Variants in IFNG-AS1 observed in about 807,000 individuals in gnomAD.
IFNG-AS1 encodes IFNG antisense RNA 1 (non-protein coding).
At chr12:68,002,907 A>C (rs775703238) in intron 2 of IFNG-AS1, among the ~76,000 whole-genome samples, 20 of 152,230 alleles carry the variant, frequency 1.3e-4, no homozygotes, top group Non-Finnish European at 2.5e-4. Flanking sequence ...AGTCTCTCTA[A>C]GTAGGTAAAA....
intron 2 of IFNG-AS1, among the ~76,000 whole-genome samples, chr12:67,999,806 G>A (rs986440807): frequency 6.6e-6 from 1 of 152,096 alleles, no homozygotes; most frequent in African/African-American, 2.4e-5. Flanking sequence ...CTCTCTCTAC[G>A]AAGTCCTTAT....
chr12:68,016,132 G>A (rs1880150846), intron 3 of IFNG-AS1, among the ~76,000 whole-genome samples: 1 of 152,142 alleles, frequency 6.6e-6, no homozygotes, highest in Non-Finnish European at 1.5e-5. Flanking sequence ...AAACTTGTGA[G>A]AAAACATTTT....
intron 3 of IFNG-AS1, chr12:68,013,641 G>T (rs1268715024): frequency 3.3e-5 from 5 of 152,202 alleles, no homozygotes; most frequent in Admixed American, 3.3e-4. Context: ...CTGTAAAGGA[G>T]TTTTTGGGTA....
At chr12:68,010,398 T>C (rs556581978) in intron 3 of IFNG-AS1, among the ~76,000 whole-genome samples, 36 of 152,342 alleles carry the variant, frequency 2.4e-4, no homozygotes, top group African/African-American at 8.4e-4. Context: ...AGTACATCCC[T>C]AGTCAAAATA....
At chr12:68,005,448 G>A (rs1592824623) in intron 2 of IFNG-AS1, among the ~76,000 whole-genome samples, 2 of 151,996 alleles carry the variant, frequency 1.3e-5, no homozygotes. Context: ...CACCTCTTTG[G>A]AAATGTCCTC....
intron 3 of IFNG-AS1, among the ~76,000 whole-genome samples, chr12:68,006,493 CA>C (rs1317912816): frequency 1.3e-5 from 2 of 152,034 alleles, no homozygotes; most frequent in African/African-American, 4.8e-5. Flanking sequence ...CAGACATACC[CA>C]TTGCGCTATT....
chr12:68,019,066 G>T (rs1279874633), intron 3 of IFNG-AS1, among the ~76,000 whole-genome samples: 2 of 152,086 alleles, frequency 1.3e-5, no homozygotes, highest in African/African-American at 4.8e-5. Context: ...AAGCGTTTGG[G>T]TCTCTGAGGG....
intron 2 of IFNG-AS1, among the ~76,000 whole-genome samples, chr12:67,997,508 A>G (rs1879670219): frequency 1.3e-5 from 2 of 151,922 alleles, no homozygotes; most frequent in African/African-American, 4.8e-5. Context: ...TGAAAAAGAG[A>G]TATAATATAA....
intron 1 of IFNG-AS1, among the ~76,000 whole-genome samples, chr12:67,992,842 T>A (rs576065580): frequency 6.6e-6 from 1 of 152,352 alleles, no homozygotes; most frequent in Admixed American, 6.5e-5. Flanking sequence ...AAAGTAGAGA[T>A]AATATCACTG....
intron 3 of IFNG-AS1, among the ~76,000 whole-genome samples, chr12:68,011,414 G>C (rs1449901970): frequency 6.6e-6 from 1 of 152,072 alleles, no homozygotes; most frequent in East Asian, 1.9e-4. Flanking sequence ...AGCTAATGTT[G>C]CTATTTCTGA....
chr12:68,010,045 T>C (rs1341741254), intron 3 of IFNG-AS1, among the ~76,000 whole-genome samples: 1 of 152,244 alleles, frequency 6.6e-6, no homozygotes, highest in Non-Finnish European at 1.5e-5. Context: ...TAGATTTAAC[T>C]TTTGCCACAT....
At chr12:68,018,789 T>A (rs202036327) in intron 3 of IFNG-AS1, among the ~76,000 whole-genome samples, 5,263 of 151,690 alleles carry the variant, frequency 0.035, 205 homozygotes, top group African/African-American at 0.083. Flanking sequence ...TATATATATT[T>A]TTTTTTATTA....
intron 3 of IFNG-AS1, among the ~76,000 whole-genome samples, chr12:68,012,258 C>T (rs1473669432): frequency 2.0e-5 from 3 of 152,118 alleles, no homozygotes; most frequent in Non-Finnish European, 2.9e-5. Context: ...CTTTTATCTG[C>T]CACCGGCCAG....
At chr12:68,011,250 A>C (rs1880019780) in intron 3 of IFNG-AS1, among the ~76,000 whole-genome samples, 1 of 152,220 alleles carries the variant, frequency 6.6e-6, no homozygotes, top group South Asian at 2.1e-4. Flanking sequence ...ACATCAGCCC[A>C]CTTTACAAGT....
intron 2 of IFNG-AS1, among the ~76,000 whole-genome samples, chr12:68,005,083 C>T (rs1289740123): frequency 2.6e-5 from 4 of 152,210 alleles, no homozygotes; most frequent in African/African-American, 9.7e-5. Flanking sequence ...AGTTCACCCA[C>T]AAAGCAAGAT....
At chr12:68,017,757 T>C (rs1034622399) in intron 3 of IFNG-AS1, among the ~76,000 whole-genome samples, 1 of 152,164 alleles carries the variant, frequency 6.6e-6, no homozygotes, top group African/African-American at 2.4e-5. Context: ...TAGAGAATAA[T>C]GGTTACATTT....
At chr12:67,994,490 C>T (rs1006376235) in intron 1 of IFNG-AS1, among the ~76,000 whole-genome samples, 2 of 152,112 alleles carry the variant, frequency 1.3e-5, no homozygotes, top group East Asian at 1.9e-4. Flanking sequence ...TAAACAAATA[C>T]GGAGATTTTT....
At chr12:68,017,484 A>G (rs1395432080) in intron 3 of IFNG-AS1, among the ~76,000 whole-genome samples, 1 of 152,106 alleles carries the variant, frequency 6.6e-6, no homozygotes, top group African/African-American at 2.4e-5. Flanking sequence ...AAGTGAAAGG[A>G]TTGGGGATGA....
chr12:68,008,584 A>T (rs1311200235), intron 3 of IFNG-AS1, among the ~76,000 whole-genome samples: 1 of 152,158 alleles, frequency 6.6e-6, no homozygotes, highest in Non-Finnish European at 1.5e-5. Flanking sequence ...CACAATAGAA[A>T]TTAATTTCTT....
Sources: allele counts gnomAD v4.1 joint callset (sites outside exome capture counted in the v4.1 genomes callset), GRCh38; gene constraint gnomAD v4.1.1; transcripts MANE v1.5; gene names NCBI Gene and HGNC (gene_info 2026-07-23, HGNC 2026-07-21).